CDK14: variants seen among roughly 807,000 people sequenced by gnomAD.
The protein encoded by CDK14 is cyclin dependent kinase 14.
Under a neutral mutation model 60.7 loss-of-function variants are expected in CDK14, and 34 were observed. That is an observed-to-expected ratio of 0.56 (90% confidence interval 0.43 to 0.75). CDK14 has a LOEUF of 0.75. CDK14 is among the 30% of genes least tolerant of loss of function. The probability of loss-of-function intolerance (pLI) is 0.00; values close to 1 mark genes in which losing one functional copy is unlikely to be tolerated. For missense variants in CDK14, 482 were observed against 564.1 expected (o/e 0.85, Z 1.47); for synonymous variants, 197 against 203.7 (o/e 0.97, Z 0.28).
intron 14 of CDK14, among the ~76,000 whole-genome samples, chr7:91,134,876 CA>C (rs200701707): frequency 8.0e-5 from 12 of 149,126 alleles, no homozygotes; most frequent in South Asian, 2.1e-4. Flanking sequence ...GACCCTGTCT[CA>C]AAAAAAAATA....
chr7:90,665,888 T>G (rs775259226), intron 2 of CDK14, among the ~76,000 whole-genome samples: 1 of 152,208 alleles, frequency 6.6e-6, no homozygotes, highest in Non-Finnish European at 1.5e-5. Context: ...AGGACTTATC[T>G]CGATAAAATC....
At chr7:90,899,470 A>G in intron 7 of CDK14, 117 bp downstream of exon 7, 1 of 647,928 alleles carries the variant, frequency 1.5e-6, no homozygotes, top group South Asian at 3.1e-5. Context: ...GTGTAAAGAG[A>G]AGGGATATTG....
chr7:91,119,527 G>A (rs1799717778), intron 14 of CDK14, among the ~76,000 whole-genome samples: 1 of 152,122 alleles, frequency 6.6e-6, no homozygotes, highest in African/African-American at 2.4e-5. Flanking sequence ...GTAACTCAAA[G>A]GATATATGCA....
At chr7:91,057,346 G>T (rs997478134) in intron 11 of CDK14, among the ~76,000 whole-genome samples, 8,857 of 151,872 alleles carry the variant, frequency 0.058, 373 homozygotes, top group Middle Eastern at 0.16. Flanking sequence ...TTTCTCCGAT[G>T]CTGTAGGTTG....
chr7:91,120,625 C>G (rs755971238), intron 14 of CDK14, among the ~76,000 whole-genome samples: 1 of 151,922 alleles, frequency 6.6e-6, no homozygotes, highest in East Asian at 1.9e-4. Context: ...CCTCTGCCCC[C>G]GCCTGGGTTC....
At chr7:90,739,281 G>T (rs572384938) in intron 3 of CDK14, among the ~76,000 whole-genome samples, 1 of 152,236 alleles carries the variant, frequency 6.6e-6, no homozygotes, top group Admixed American at 6.5e-5. Flanking sequence ...TGCCATTGTA[G>T]TGTTAACAGA....
chr7:91,162,575 G>C (rs1261427559), intron 14 of CDK14, among the ~76,000 whole-genome samples: 4 of 152,240 alleles, frequency 2.6e-5, no homozygotes, highest in African/African-American at 9.6e-5. Flanking sequence ...TAGTGACAAA[G>C]AGCAAAGGCC....
intron 6 of CDK14, among the ~76,000 whole-genome samples, chr7:90,897,525 T>C (rs906587942): frequency 6.6e-6 from 1 of 152,056 alleles, no homozygotes; most frequent in African/African-American, 2.4e-5. Context: ...AAGAATACCT[T>C]ATTTTTATCT....
intron 2 of CDK14, among the ~76,000 whole-genome samples, chr7:90,645,284 A>G (rs775260948): frequency 2.0e-5 from 3 of 152,156 alleles, no homozygotes; most frequent in Non-Finnish European, 4.4e-5. Context: ...ATGGAAACGG[A>G]CTTTGGGCCT....
chr7:90,893,823 C>T (rs2117328347), intron 6 of CDK14, among the ~76,000 whole-genome samples: 1 of 152,178 alleles, frequency 6.6e-6, no homozygotes, highest in South Asian at 2.1e-4. Flanking sequence ...TTCCCTCTTC[C>T]ATATGAGATT....
chr7:90,862,873 A>T (rs1483452903), intron 5 of CDK14, among the ~76,000 whole-genome samples: 1 of 152,182 alleles, frequency 6.6e-6, no homozygotes, highest in Non-Finnish European at 1.5e-5. Flanking sequence ...AAGAAGTTTT[A>T]TCTGAATGAA....
intron 11 of CDK14, among the ~76,000 whole-genome samples, chr7:91,076,258 A>C (rs1798311043): frequency 1.4e-5 from 2 of 142,084 alleles, no homozygotes; most frequent in African/African-American, 5.4e-5. Flanking sequence ...AAAAAAAAAA[A>C]AAAAAAAAAA....
At chr7:90,809,065 GAC>G (rs1244036261) in intron 5 of CDK14, among the ~76,000 whole-genome samples, 2 of 152,120 alleles carry the variant, frequency 1.3e-5, no homozygotes, top group Admixed American at 6.5e-5. Context: ...AGATCAATGA[GAC>G]AGAAAGTTAA....
chr7:90,919,050 G>A (rs1793166464), intron 8 of CDK14, among the ~76,000 whole-genome samples: 1 of 152,166 alleles, frequency 6.6e-6, no homozygotes, highest in African/African-American at 2.4e-5. Context: ...TTATAATAGG[G>A]TAGAAAATAA....
At chr7:90,744,748 C>T (rs1253658834) in intron 3 of CDK14, among the ~76,000 whole-genome samples, 5 of 134,464 alleles carry the variant, frequency 3.7e-5, no homozygotes, top group Non-Finnish European at 6.5e-5. Context: ...CCGGACGGGG[C>T]GGCTGGCCGG....
At chr7:91,127,651 A>C (rs1258404467) in intron 14 of CDK14, among the ~76,000 whole-genome samples, 2 of 152,180 alleles carry the variant, frequency 1.3e-5, no homozygotes, top group Non-Finnish European at 2.9e-5. Context: ...TTTTGGTACA[A>C]TGTTAAAATT....
At chr7:90,726,416 G>T in intron 2 of CDK14, 151 bp from the exon 3 acceptor site, 2 of 1,227,852 alleles carry the variant, frequency 1.6e-6, no homozygotes, top group Non-Finnish European at 2.2e-6. Flanking sequence ...TTTTTGTACT[G>T]TAATTTATGC....
chr7:90,874,772 T>C (rs1430811808), intron 6 of CDK14, among the ~76,000 whole-genome samples: 3 of 149,838 alleles, frequency 2.0e-5, no homozygotes, highest in Non-Finnish European at 4.4e-5. Flanking sequence ...TCATGATCCA[T>C]CCGCCTCGGC....
chr7:90,653,101 A>G (rs538982118), intron 2 of CDK14, among the ~76,000 whole-genome samples: 1 of 152,150 alleles, frequency 6.6e-6, no homozygotes, highest in African/African-American at 2.4e-5. Context: ...TAGACTGAGA[A>G]TGATGTTGGG....
Sources: allele counts gnomAD v4.1 joint callset (sites outside exome capture counted in the v4.1 genomes callset), GRCh38; gene constraint gnomAD v4.1.1; transcripts MANE v1.5; gene names NCBI Gene and HGNC (gene_info 2026-07-23, HGNC 2026-07-21).